Variants in FLT3 observed in about 807,000 individuals in gnomAD.
The protein encoded by FLT3 is fms related receptor tyrosine kinase 3, also known as receptor-type tyrosine-protein kinase FLT3.
A neutral mutation model predicts 126.6 loss-of-function variants in FLT3; 46 were observed. That is an observed-to-expected ratio of 0.36 (90% CI 0.29 to 0.46). The LOEUF (loss-of-function observed/expected upper bound fraction) is 0.46, where lower values mean the gene tolerates loss of function less well. FLT3 is among the 20% of genes least tolerant of loss of function. The pLI is 1.00. For synonymous variants in FLT3, 404 were observed against 434.4 expected (o/e 0.93, Z 0.87); for missense variants, 1,069 against 1,190.3 (o/e 0.90, Z 1.50).
At chr13:28,035,394 T>C in intron 12 of FLT3, 101 bp downstream of exon 12, 1 of 1,104,464 alleles carries the variant, frequency 9.1e-7, no homozygotes, top group Non-Finnish European at 1.3e-6. Context: ...ACACTGACCC[T>C]ATACTCTCCT....
rs111332770 is a variant in FLT3 at position 28,084,181 on chromosome 13, C to T, written c.44-13569G>A. Among the ~76,000 whole-genome samples, 1,149 of 151,688 alleles carry T rather than the reference C, an allele frequency of 7.6e-3. 11 individuals carry two copies. The highest frequency in any genetic ancestry group is 0.027 in the African/African-American group (1,102 of 41,374). ...TAATTTTTTTTTATTTTTTGGGAGA[C>T]GAGGTCTTGCTATGTTACCCAGGCT... is the stretch of plus-strand genomic sequence containing the variant. On this transcript the variant is annotated intron_variant, in intron 1 of 23. Coordinates refer to ENST00000241453, the MANE Select transcript of FLT3 (RefSeq NM_004119.3).
chr13:28,044,621 C>A (rs183906378), intron 9 of FLT3, among the ~76,000 whole-genome samples: 1 of 152,124 alleles, frequency 6.6e-6, no homozygotes, highest in Non-Finnish European at 1.5e-5. Flanking sequence ...GTACTTTGAG[C>A]ATGTTTTCTC....
chr13:28,084,817 T>C (rs1286970847), intron 1 of FLT3, among the ~76,000 whole-genome samples: 3 of 151,386 alleles, frequency 2.0e-5, no homozygotes, highest in South Asian at 2.1e-4. Context: ...ATACTAAAAA[T>C]ACAAAAAATT....
At chr13:28,099,151 G>A (rs1209712026) in intron 1 of FLT3, among the ~76,000 whole-genome samples, 1 of 152,160 alleles carries the variant, frequency 6.6e-6, no homozygotes, top group Admixed American at 6.5e-5. Flanking sequence ...TTCCTAAATA[G>A]AAAAGAATTC....
chr13:28,068,973 A>G (rs1222873894), intron 2 of FLT3, among the ~76,000 whole-genome samples: 1 of 152,168 alleles, frequency 6.6e-6, no homozygotes, highest in Non-Finnish European at 1.5e-5. Context: ...ATAGCACAAG[A>G]GAGGGGGTAA....
Position 28,028,410 on chromosome 13 carries a change from A to G in FLT3, c.1943-122T>C, listed in dbSNP as rs564820239. The G allele has an allele frequency of 1.4e-5, 9 of 626,090 alleles. No individual in the cohort carries two copies. In the East Asian group the frequency reaches 2.5e-4, roughly 17 times the overall value. The allele number at this position is 626,090 out of a possible 1,614,324, so 38.8% of individuals were successfully genotyped here. A position where few individuals can be genotyped will look rare whatever the true frequency, so the allele number is the denominator to read the frequency against. ...TTATTTATTTAAATTCAAAATTATG[A>G]GAGAAGCCAGGCATGGTGGGTCATG... On this transcript the variant is annotated intron_variant, in intron 15 of 23. Transcript: ENST00000241453.
intron 9 of FLT3, among the ~76,000 whole-genome samples, chr13:28,046,577 G>A (rs7139620): frequency 0.065 from 9,915 of 152,220 alleles, 1,030 homozygotes; most frequent in African/African-American, 0.22. Context: ...TATAATCAAT[G>A]TAAAAATTGT....
intron 9 of FLT3, among the ~76,000 whole-genome samples, chr13:28,040,908 G>C (rs1037524499): frequency 1.1e-4 from 16 of 151,338 alleles, no homozygotes; most frequent in Non-Finnish European, 2.4e-4. Context: ...GCCGAGGTAG[G>C]GGAATTGCTG....
chr13:28,010,633 C>T (rs1464851617), intron 23 of FLT3, among the ~76,000 whole-genome samples: 1 of 152,216 alleles, frequency 6.6e-6, no homozygotes, highest in African/African-American at 2.4e-5. Flanking sequence ...AAGCCTTAAC[C>T]TATGTTTTCT....
At position 28,070,566 on chromosome 13, in the gene FLT3, C is replaced by A. The variant is rs1877417851; in HGVS notation, c.90G>T (p.Leu30=). 1.2e-6 allele frequency: 2 copies of A among 1,602,860 alleles called. No individual in the cohort carries two copies. Among genetic ancestry groups the A allele is most frequent in the South Asian group, 2.2e-5 (2 of 90,844 alleles). ...MIFGTITNQD[L]PVIKCVLINH... Reference sequence around the variant, plus strand: ...TGATTAAAACACACTTGATCACAGGCAGATCTTGATTTGTAATAGTCCCAA... The same window carrying A: ...TGATTAAAACACACTTGATCACAGGAAGATCTTGATTTGTAATAGTCCCAA... Residue 30 remains leucine (L), a synonymous_variant, in exon 2 of 24, where the codon CTG becomes CTT. Transcript: ENST00000241453.
chr13:28,055,234 AG>A (rs1291633820), intron 4 of FLT3, among the ~76,000 whole-genome samples: 108 of 152,334 alleles, frequency 7.1e-4, no homozygotes, highest in African/African-American at 2.4e-3. Flanking sequence ...TAGTTAGCTC[AG>A]GTTTCCTGAC....
chr13:28,031,222 C>T (rs1160906897), intron 15 of FLT3, among the ~76,000 whole-genome samples: 1 of 151,236 alleles, frequency 6.6e-6, no homozygotes, highest in African/African-American at 2.4e-5. Flanking sequence ...AGTGAGACTC[C>T]GTCTCAAAAA....
intron 10 of FLT3, 116 bp from the exon 11 acceptor site, chr13:28,036,159 A>T (rs1347207679): frequency 5.0e-6 from 4 of 792,810 alleles, no homozygotes; most frequent in Non-Finnish European, 8.8e-6. Flanking sequence ...GGAGTTCAAG[A>T]CCAGCCTGGG....
rs188109763 is a variant in FLT3 at position 28,085,527 on chromosome 13, G to A, written c.44-14915C>T. 1.9e-3 allele frequency among the ~76,000 whole-genome samples: 296 copies of A among 152,178 alleles called. 1 individual carries two copies. Among genetic ancestry groups the A allele is most frequent in the African/African-American group, 6.9e-3 (287 of 41,478 alleles). On this transcript the variant is annotated intron_variant, in intron 1 of 23. Transcript: ENST00000241453. ...TATCAATTATTGAAGGAGAAGGAGT[G>A]TCATACACTTTGAATATAATTGTGT...
intron 23 of FLT3, among the ~76,000 whole-genome samples, chr13:28,008,757 G>A (rs896960763): frequency 2.0e-5 from 3 of 152,154 alleles, no homozygotes; most frequent in South Asian, 2.1e-4. Context: ...AGGATTACAG[G>A]CGTGAGCTAC....
intron 1 of FLT3, among the ~76,000 whole-genome samples, chr13:28,075,247 A>T (rs1877849110): frequency 6.6e-6 from 1 of 152,176 alleles, no homozygotes; most frequent in African/African-American, 2.4e-5. Context: ...GTGATGTTGA[A>T]CATTTTTTCA....
intron 19 of FLT3, among the ~76,000 whole-genome samples, chr13:28,022,249 C>T (rs1460997523): frequency 2.0e-5 from 3 of 152,050 alleles, no homozygotes; most frequent in African/African-American, 7.2e-5. Flanking sequence ...TGGTGGCTCA[C>T]GCCTGTAATC....
At chr13:28,088,985 CT>C (rs1878862653) in intron 1 of FLT3, among the ~76,000 whole-genome samples, 1 of 152,074 alleles carries the variant, frequency 6.6e-6, no homozygotes. Flanking sequence ...GCAAAGAACC[CT>C]TAAAACCCAA....
At position 28,018,452 on chromosome 13, in the gene FLT3, A is replaced by T. The variant is rs749834889; in HGVS notation, c.2541+15T>A. The T allele has an allele frequency of 4.3e-6, 7 of 1,613,658 alleles. No individual in the cohort carries two copies. The highest frequency in any genetic ancestry group is 5.9e-6 in the Non-Finnish European group (7 of 1,179,662). ...AAATAGCCGTATAAAAATAAGTAGGAAATAGCAGCCTCACATTGCCCCTGA... is the reference window on the plus strand; with the variant it reads ...AAATAGCCGTATAAAAATAAGTAGGTAATAGCAGCCTCACATTGCCCCTGA... On this transcript the variant is annotated intron_variant, in intron 20 of 23. Coordinates refer to ENST00000241453, the MANE Select transcript of FLT3 (RefSeq NM_004119.3).
Sources: gnomAD v4.1 joint callset for allele counts (sites outside exome capture counted in the v4.1 genomes callset) on GRCh38, gnomAD v4.1.1 for gene constraint, MANE v1.5 for transcripts, NCBI Gene and HGNC (gene_info 2026-07-23, HGNC 2026-07-21) for gene names.